The following KCND2 variants were observed in gnomAD, a reference collection of about 807,000 sequenced individuals.
KCND2 encodes potassium voltage-gated channel subfamily D member 2.
A neutral mutation model predicts 54.4 loss-of-function variants in KCND2; 16 were observed. The observed-to-expected ratio is 0.29, with a 90% confidence interval of 0.20 to 0.45. The LOEUF (loss-of-function observed/expected upper bound fraction) is 0.45, where lower values mean the gene tolerates loss of function less well. Ranked by LOEUF, KCND2 falls within the 20% of genes least tolerant of loss-of-function variation. The pLI, the probability that KCND2 is intolerant of heterozygous loss-of-function variation, is 1.00. For missense variants in KCND2, 486 were observed against 824.2 expected, an observed-to-expected ratio of 0.59 and a Z score of 5.02; for synonymous variants, 317 against 310.7, an observed-to-expected ratio of 1.02 and a Z score of -0.21.
intron 1 of KCND2, among the ~76,000 whole-genome samples, chr7:120,608,397 C>T (rs1168513833): frequency 6.6e-6 from 1 of 152,050 alleles, no homozygotes; most frequent in African/African-American, 2.4e-5. Flanking sequence ...CTCCAGTATC[C>T]TCATTTTCAA....
At chr7:120,409,781 A>G (rs887148969) in intron 1 of KCND2, among the ~76,000 whole-genome samples, 21 of 151,938 alleles carry the variant, frequency 1.4e-4, no homozygotes, top group Admixed American at 6.6e-5. Flanking sequence ...TGTATTCTAG[A>G]TACAAGTTCT....
intron 1 of KCND2, among the ~76,000 whole-genome samples, chr7:120,399,735 T>TATTC (rs1554435626): frequency 6.8e-5 from 10 of 148,130 alleles, no homozygotes; most frequent in African/African-American, 1.7e-4. Context: ...TTTATTTATT[T>TATTC]ATTCATTTGA....
intron 1 of KCND2, among the ~76,000 whole-genome samples, chr7:120,699,317 T>C (rs999391507): frequency 1.3e-5 from 2 of 152,002 alleles, no homozygotes; most frequent in Non-Finnish European, 1.5e-5. Context: ...ATGAATAATA[T>C]GTCCAAATTA....
intron 1 of KCND2, among the ~76,000 whole-genome samples, chr7:120,597,925 C>T (rs1792765517): frequency 6.6e-6 from 1 of 152,014 alleles, no homozygotes; most frequent in Non-Finnish European, 1.5e-5. Flanking sequence ...AGCCTTCTGT[C>T]CCTAGGGTAC....
intron 1 of KCND2, among the ~76,000 whole-genome samples, chr7:120,426,107 AT>A (rs1172018537): frequency 1.3e-5 from 2 of 152,140 alleles, no homozygotes; most frequent in Non-Finnish European, 2.9e-5. Flanking sequence ...TAGGTCTGAA[AT>A]TGGAAGATCA....
At chr7:120,361,917 C>T (rs544568422) in intron 1 of KCND2, among the ~76,000 whole-genome samples, 176 of 152,112 alleles carry the variant, frequency 1.2e-3, no homozygotes, top group African/African-American at 4.2e-3. Flanking sequence ...TTACAGCTCC[C>T]CATGAATCTG....
chr7:120,676,127 C>T (rs1450244514), intron 1 of KCND2, among the ~76,000 whole-genome samples: 1 of 152,106 alleles, frequency 6.6e-6, no homozygotes, highest in African/African-American at 2.4e-5. Flanking sequence ...TGTGAGCCAC[C>T]GTGCCCAACC....
rs78359821 is a variant in KCND2, at chr7:120,453,526, C to T, written c.1115+177779C>T. On this transcript the variant is annotated intron_variant, in intron 1 of 5. Coordinates refer to ENST00000331113, the MANE Select transcript of KCND2 (RefSeq NM_012281.3). Reference sequence around the variant, plus strand: ...AATGTGCATACAATCCACCATAAAACGATCCTTAGCAAATTCAAAAAACCA... The same window carrying T: ...AATGTGCATACAATCCACCATAAAATGATCCTTAGCAAATTCAAAAAACCA... Among the ~76,000 whole-genome samples the T allele has an allele frequency of 4.0e-3, 614 of 152,318 alleles. 3 individuals carry two copies. The highest frequency in any genetic ancestry group is 0.014 in the African/African-American group (595 of 41,568).
chr7:120,356,405 A>G (rs781352904), intron 1 of KCND2, among the ~76,000 whole-genome samples: 1 of 152,202 alleles, frequency 6.6e-6, no homozygotes, highest in Non-Finnish European at 1.5e-5. Context: ...CTTTATAAAC[A>G]TAAAATCTGG....
intron 1 of KCND2, among the ~76,000 whole-genome samples, chr7:120,359,845 G>T (rs1289348819): frequency 6.6e-6 from 1 of 152,080 alleles, no homozygotes; most frequent in Admixed American, 6.6e-5. Context: ...GAGTTCTCAT[G>T]AGATCTGAGG....
intron 1 of KCND2, among the ~76,000 whole-genome samples, chr7:120,312,645 A>G (rs1030746710): frequency 2.6e-5 from 4 of 152,016 alleles, no homozygotes; most frequent in Admixed American, 1.3e-4. Context: ...ATTCTTCACT[A>G]TTTTTCCCAG....
At chr7:120,340,800 A>G (rs1354008998) in intron 1 of KCND2, among the ~76,000 whole-genome samples, 2 of 152,158 alleles carry the variant, frequency 1.3e-5, no homozygotes. Flanking sequence ...AATGGTCAAC[A>G]CTCTCTAGCT....
At chr7:120,436,763 C>A (rs1212639251) in intron 1 of KCND2, among the ~76,000 whole-genome samples, 2 of 152,182 alleles carry the variant, frequency 1.3e-5, no homozygotes, top group Non-Finnish European at 2.9e-5. Flanking sequence ...TCCAAGGACA[C>A]ATTAGGCCTT....
At chr7:120,728,677 G>C (rs1302232052) in intron 1 of KCND2, among the ~76,000 whole-genome samples, 2 of 151,842 alleles carry the variant, frequency 1.3e-5, no homozygotes, top group African/African-American at 4.8e-5. Context: ...ATTAAATACA[G>C]AAAAAATATA....
chr7:120,602,963 A>G (rs978839259), intron 1 of KCND2, among the ~76,000 whole-genome samples: 2 of 152,232 alleles, frequency 1.3e-5, no homozygotes, highest in South Asian at 2.1e-4. Context: ...GAGGAATTCA[A>G]TTATTAAACT....
chr7:120,673,594 A>G (rs766795500), intron 1 of KCND2, among the ~76,000 whole-genome samples: 5 of 151,954 alleles, frequency 3.3e-5, no homozygotes, highest in Non-Finnish European at 5.9e-5. Context: ...TGTTGTATCA[A>G]CCTCCTTGCT....
At chr7:120,395,047 A>T (rs764376482) in intron 1 of KCND2, among the ~76,000 whole-genome samples, 48 of 151,982 alleles carry the variant, frequency 3.2e-4, no homozygotes, top group Non-Finnish European at 3.8e-4. Flanking sequence ...TCCTATGATG[A>T]TAACTCCCCA....
intron 1 of KCND2, among the ~76,000 whole-genome samples, chr7:120,435,584 G>A (rs1306504773): frequency 4.6e-5 from 7 of 151,792 alleles, no homozygotes; most frequent in Middle Eastern, 3.4e-3. Flanking sequence ...TAAAACAAAC[G>A]AATAACCCTA....
intron 1 of KCND2, among the ~76,000 whole-genome samples, chr7:120,644,509 A>G (rs943076317): frequency 6.6e-6 from 1 of 152,206 alleles, no homozygotes; most frequent in African/African-American, 2.4e-5. Flanking sequence ...AATTTCTGTA[A>G]TACAAAACTG....
Sources: gnomAD v4.1 joint callset for allele counts (sites outside exome capture counted in the v4.1 genomes callset) on GRCh38, gnomAD v4.1.1 for gene constraint, MANE v1.5 for transcripts, NCBI Gene and HGNC (gene_info 2026-07-23, HGNC 2026-07-21) for gene names.